MYO9A: variants seen among roughly 807,000 people sequenced by gnomAD.
MYO9A encodes the protein myosin IXA, also known as unconventional myosin-IXa.
MYO9A carries 103 observed loss-of-function variants against 293.3 expected under a neutral mutation model. The observed-to-expected ratio is 0.35, with a 90% confidence interval of 0.30 to 0.41. The LOEUF (loss-of-function observed/expected upper bound fraction) is 0.41. Among genes scored for constraint, MYO9A ranks in the 10% least tolerant of loss-of-function variants. The pLI, the probability that MYO9A is intolerant of heterozygous loss-of-function variation, is 1.00. For synonymous variants in MYO9A, 1,001 were observed against 1,035.7 expected (o/e 0.97, Z 0.64); for missense variants, 2,685 against 3,033.0 (o/e 0.89, Z 2.69).
chr15:71,829,280 C>A (rs1175661488), intron 40 of MYO9A, among the ~76,000 whole-genome samples: 14 of 152,108 alleles, frequency 9.2e-5, no homozygotes, highest in Admixed American at 9.2e-4. Flanking sequence ...CAGAATCAAT[C>A]ATGAGAGACC....
intron 1 of MYO9A, among the ~76,000 whole-genome samples, chr15:72,089,540 G>A (rs547129047): frequency 4.6e-5 from 7 of 152,054 alleles, no homozygotes; most frequent in African/African-American, 1.7e-4. Flanking sequence ...AGCACTCTGG[G>A]AAAGGAAGGG....
chr15:71,971,614 AAC>A (rs1173930787), intron 12 of MYO9A, among the ~76,000 whole-genome samples: 4 of 151,692 alleles, frequency 2.6e-5, no homozygotes, highest in Non-Finnish European at 4.4e-5. Context: ...AAAAAAAAAA[AAC>A]AAAGTAATTC....
intron 7 of MYO9A, among the ~76,000 whole-genome samples, chr15:72,008,459 GTGTGTGTGTGTGTGTGAATGGGGTAAA>G (rs1371199625): frequency 6.6e-6 from 1 of 150,580 alleles, no homozygotes; most frequent in Non-Finnish European, 1.5e-5. Context: ...GTGTGTGTGT[GTGTGTGTGTGTGTGTGAATGGGGTAAA>G]TGGGTGTGTG....
chr15:71,908,620 C>T (rs1011556871), intron 19 of MYO9A, among the ~76,000 whole-genome samples: 1 of 152,132 alleles, frequency 6.6e-6, no homozygotes, highest in Non-Finnish European at 1.5e-5. Flanking sequence ...TTAAAATAGA[C>T]TTTTGGAGCA....
chr15:71,831,694 T>G (rs1259307450), intron 39 of MYO9A, among the ~76,000 whole-genome samples: 7 of 152,196 alleles, frequency 4.6e-5, no homozygotes, highest in African/African-American at 1.7e-4. Flanking sequence ...TGGAAGAAAG[T>G]AACATTATCT....
At chr15:71,973,058 G>C (rs1218363710) in intron 12 of MYO9A, among the ~76,000 whole-genome samples, 2 of 152,162 alleles carry the variant, frequency 1.3e-5, no homozygotes, top group African/African-American at 4.8e-5. Context: ...AGAGAGTACT[G>C]TGTTGGTCCT....
chr15:72,014,739 G>GAGAA (rs1566950313), intron 6 of MYO9A, among the ~76,000 whole-genome samples: 1 of 143,284 alleles, frequency 7.0e-6, no homozygotes, highest in Admixed American at 7.0e-5. Flanking sequence ...GAGAGAGAGA[G>GAGAA]AGAAAGAAAG....
intron 1 of MYO9A, among the ~76,000 whole-genome samples, chr15:72,063,321 C>G (rs1487351904): frequency 6.6e-6 from 1 of 152,102 alleles, no homozygotes; most frequent in African/African-American, 2.4e-5. Context: ...GGAGATCTCT[C>G]TAGGACATTA....
chr15:71,896,149 G>C (rs1468035946), intron 25 of MYO9A, among the ~76,000 whole-genome samples: 1 of 152,094 alleles, frequency 6.6e-6, no homozygotes, highest in Non-Finnish European at 1.5e-5. Context: ...TAATACTATA[G>C]AGACTCTTGG....
chr15:72,086,614 C>T (rs1437781132), intron 1 of MYO9A, among the ~76,000 whole-genome samples: 1 of 150,042 alleles, frequency 6.7e-6, no homozygotes, highest in Non-Finnish European at 1.5e-5. Flanking sequence ...TCTGCCTGTG[C>T]ACACACACCG....
At chr15:72,077,513 G>A (rs1262153176) in intron 1 of MYO9A, among the ~76,000 whole-genome samples, 2 of 151,918 alleles carry the variant, frequency 1.3e-5, no homozygotes, top group Non-Finnish European at 2.9e-5. Flanking sequence ...CCAACAGGCT[G>A]AAACTCCATC....
chr15:71,879,970 G>A, intron 29 of MYO9A, 133 bp from the exon 30 acceptor site: 1 of 649,476 alleles, frequency 1.5e-6, no homozygotes. Flanking sequence ...TAGGACTCAG[G>A]TGAAAGTTAT....
At chr15:71,966,022 G>A (rs768749925) in intron 13 of MYO9A, among the ~76,000 whole-genome samples, 27 of 151,986 alleles carry the variant, frequency 1.8e-4, no homozygotes, top group Non-Finnish European at 3.2e-4. Flanking sequence ...GATTACAGGC[G>A]TGCACCACCA....
chr15:71,873,797 T>C (rs552323330), intron 32 of MYO9A, among the ~76,000 whole-genome samples: 1 of 152,338 alleles, frequency 6.6e-6, no homozygotes, highest in Admixed American at 6.5e-5. Flanking sequence ...CATTTTTATT[T>C]TGAAGTGTTG....
At chr15:72,067,402 G>A (rs1476587031) in intron 1 of MYO9A, among the ~76,000 whole-genome samples, 1 of 151,956 alleles carries the variant, frequency 6.6e-6, no homozygotes, top group Non-Finnish European at 1.5e-5. Context: ...CTCCGCCTCA[G>A]CCTCCCGAGC....
At chr15:71,904,541 T>C (rs913925977) in intron 20 of MYO9A, among the ~76,000 whole-genome samples, 3 of 152,132 alleles carry the variant, frequency 2.0e-5, no homozygotes, top group Admixed American at 6.5e-5. Context: ...TAGTCCCAGC[T>C]ACTCAGGAGG....
chr15:72,095,320 A>T lies in MYO9A; in HGVS notation c.-72+22360T>A, dbSNP rs1318441125. On this transcript the variant is annotated intron_variant, in intron 1 of 41. Coordinates refer to ENST00000356056, the MANE Select transcript of MYO9A (RefSeq NM_006901.4). ...AGAAAGTTTTAGTGGTCTGGAAAGA[A>T]GATCAAATTAGCCACAACATTCCCT... 6.4e-5 allele frequency among the ~76,000 whole-genome samples: 6 copies of T among 93,122 alleles called. 2 individuals are homozygous for T. 61.1% of individuals were successfully genotyped at this position (93,122 alleles called of 152,430 possible). A position where few individuals can be genotyped will look rare whatever the true frequency, so the allele number is the denominator to read the frequency against.
At chr15:71,855,089 T>C (rs1221670355) in intron 34 of MYO9A, among the ~76,000 whole-genome samples, 1 of 152,200 alleles carries the variant, frequency 6.6e-6, no homozygotes, top group African/African-American at 2.4e-5. Flanking sequence ...CTCTTTTGTA[T>C]GGACTTGAAT....
chr15:72,072,502 T>C (rs769375522), intron 1 of MYO9A, among the ~76,000 whole-genome samples: 2 of 152,152 alleles, frequency 1.3e-5, no homozygotes, highest in African/African-American at 2.4e-5. Flanking sequence ...CAATCATCAA[T>C]GTAAGTGCCC....
Sources: allele counts gnomAD v4.1 joint callset (sites outside exome capture counted in the v4.1 genomes callset), GRCh38; gene constraint gnomAD v4.1.1; transcripts MANE v1.5; gene names NCBI Gene and HGNC (gene_info 2026-07-23, HGNC 2026-07-21).